Variants in KIAA1191 observed in about 807,000 individuals in gnomAD.
KIAA1191 encodes the protein KIAA1191, also known as putative monooxygenase p33MONOX.
A neutral mutation model predicts 31.1 loss-of-function variants in KIAA1191; 22 were observed. That is an observed-to-expected ratio of 0.71 (90% CI 0.51 to 1.01). The LOEUF (loss-of-function observed/expected upper bound fraction) is 1.01, where lower values mean the gene tolerates loss of function less well. KIAA1191 is among the 50% of genes least tolerant of loss of function. KIAA1191 has a pLI of 0.00. For missense variants in KIAA1191, 319 were observed against 388.0 expected, an observed-to-expected ratio of 0.82 and a Z score of 1.49; for synonymous variants, 130 against 143.9, an observed-to-expected ratio of 0.90 and a Z score of 0.69.
Position 176,347,901 on chromosome 5 carries a change from T to C in KIAA1191, c.709+20A>G. ...AAGATGTCTGCCATGCTGCTCTCTTTTTTGAAGGTGCTGCCTTACCAGAAT... is the reference window on the plus strand; with the variant it reads ...AAGATGTCTGCCATGCTGCTCTCTTCTTTGAAGGTGCTGCCTTACCAGAAT... On this transcript the variant is annotated intron_variant, in intron 8 of 8. Transcript: ENST00000298569. 3.7e-6 allele frequency: 6 copies of C among 1,614,028 alleles called. No individual in the cohort carries two copies. The highest frequency in any genetic ancestry group is 4.2e-6 in the Non-Finnish European group (5 of 1,179,988).
chr5:176,347,390 C>T lies in KIAA1191; in HGVS notation c.*210G>A, dbSNP rs575740231. On this transcript the variant is annotated 3_prime_UTR_variant, in exon 9 of 9. Transcript: ENST00000298569. Reference sequence around the variant, plus strand: ...CTAATTTTTGTATTTTTAGTAGAGACGGGGTTTCACCATGTTGGCCAGGCT... The same window carrying T: ...CTAATTTTTGTATTTTTAGTAGAGATGGGGTTTCACCATGTTGGCCAGGCT... 15 of 305,104 alleles carry T rather than the reference C, an allele frequency of 4.9e-5. No homozygotes were observed. The highest frequency in any genetic ancestry group is 7.2e-5 in the Non-Finnish European group (12 of 167,702). 18.9% of individuals were successfully genotyped at this position (305,104 alleles called of 1,614,324 possible).
At chr5:176,349,633 A>G (rs1465621103) in intron 6 of KIAA1191, among the ~76,000 whole-genome samples, 1 of 152,120 alleles carries the variant, frequency 6.6e-6, no homozygotes, top group African/African-American at 2.4e-5. Flanking sequence ...AGATCACAAC[A>G]CTGTACTCCA....
intron 5 of KIAA1191, 70 bp from the exon 6 acceptor site, chr5:176,350,807 A>AT (rs1208683913): frequency 1.3e-6 from 2 of 1,571,886 alleles, no homozygotes; most frequent in Non-Finnish European, 1.7e-6. Flanking sequence ...GACAACATGG[A>AT]TATCTACTAT....
At chr5:176,352,156 A>AAAAAAAAAAAAC (rs563130478) in intron 5 of KIAA1191, among the ~76,000 whole-genome samples, 1 of 148,230 alleles carries the variant, frequency 6.7e-6, no homozygotes, top group Non-Finnish European at 1.5e-5. Context: ...GAGCTGTTTA[A>AAAAAAAAAAAAC]AAAAAAAAAA....
Position 176,355,715 on chromosome 5 carries a change from G to T in KIAA1191, c.63C>A (p.Ser21=), listed in dbSNP as rs143263997. ...CCCGGCGGTATATCCCGATGGGCAG[G>T]GACATCTTGCCTAGAGGCGCACTAG... ...LEASAPLGKM[S]LPIGIYRRAV... The change falls in exon 4 of 9, where the codon TCC becomes TCA. Residue 21 remains serine (S), a synonymous_variant. Coordinates refer to ENST00000298569, the MANE Select transcript of KIAA1191 (RefSeq NM_020444.5). The surrounding 1 kb of genome is among the most constrained non-coding windows in gnomAD (Gnocchi z 4.2). 4.3e-6 allele frequency: 7 copies of T among 1,613,954 alleles called. No individual in the cohort carries two copies. The highest frequency in any genetic ancestry group is 5.9e-6 in the Non-Finnish European group (7 of 1,180,030).
intron 6 of KIAA1191, among the ~76,000 whole-genome samples, chr5:176,349,580 G>A (rs910613883): frequency 1.3e-5 from 2 of 152,114 alleles, no homozygotes; most frequent in African/African-American, 4.8e-5. Context: ...GGCTGAGTTG[G>A]GAGGATCACT....
chr5:176,355,813 A>G lies in KIAA1191; in HGVS notation c.29-64T>C. On this transcript the variant is annotated intron_variant, in intron 3 of 8. Transcript: ENST00000298569. The surrounding 1 kb of genome is among the most constrained non-coding windows in gnomAD (Gnocchi z 4.2). ...TGGACATACTAGCAGCTTTAAATTAATCTACAGGAAGGAAAGCTCTGAAAT... is the reference window on the plus strand; with the variant it reads ...TGGACATACTAGCAGCTTTAAATTAGTCTACAGGAAGGAAAGCTCTGAAAT... The G allele has an allele frequency of 6.7e-7, 1 of 1,487,902 alleles. No homozygotes were observed. Among genetic ancestry groups the G allele is most frequent in the South Asian group, 1.1e-5 (1 of 87,888 alleles). 92.2% of individuals were successfully genotyped at this position (1,487,902 alleles called of 1,614,324 possible).
chr5:176,360,592 G>C (rs951501498), intron 1 of KIAA1191, among the ~76,000 whole-genome samples: 7 of 151,932 alleles, frequency 4.6e-5, no homozygotes, highest in Non-Finnish European at 7.4e-5. Context: ...CTTGAGGTCA[G>C]GAGTTCGAGA....
intron 2 of KIAA1191, 57 bp from the exon 3 acceptor site, chr5:176,359,624 T>G: frequency 2.4e-6 from 2 of 834,676 alleles, no homozygotes; most frequent in Non-Finnish European, 4.2e-6. Context: ...GCTGTTCTTC[T>G]GGCAGGCACA....
intron 5 of KIAA1191, among the ~76,000 whole-genome samples, chr5:176,352,006 G>A (rs556021370): frequency 6.6e-6 from 1 of 152,038 alleles, no homozygotes; most frequent in East Asian, 1.9e-4. Context: ...CAGCCCTCCA[G>A]AATGAAGAAG....
In KIAA1191 at chr5:176,355,708, T is replaced by C. The variant is rs1767455584; in HGVS notation, c.70A>G (p.Ile24Val). Residue 24 changes from isoleucine (I) to valine (V), a missense_variant, in exon 4 of 9, where the codon ATC becomes GTC. Ile to Val is a conservative substitution (Grantham distance 29). Coordinates refer to ENST00000298569, the MANE Select transcript of KIAA1191 (RefSeq NM_020444.5). The surrounding 1 kb of genome is among the most constrained non-coding windows in gnomAD (Gnocchi z 4.2). ...CTGACTGCCCGGCGGTATATCCCGA[T>C]GGGCAGGGACATCTTGCCTAGAGGC... ...SAPLGKMSLP[I>V]GIYRRAVSYD... 4 of 1,613,900 alleles carry C rather than the reference T, an allele frequency of 2.5e-6. No individual in the cohort carries two copies. The highest frequency in any genetic ancestry group is 1.1e-5 in the South Asian group (1 of 91,070).
At position 176,352,650 on chromosome 5, in the gene KIAA1191, G is replaced by C. The variant is rs755281021; in HGVS notation, c.306C>G (p.Thr102=). 1.3e-5 allele frequency: 21 copies of C among 1,613,790 alleles called. No individual in the cohort carries two copies. The highest frequency in any genetic ancestry group is 1.7e-5 in the Admixed American group (1 of 59,992). Residue 102 remains threonine, a synonymous_variant, in exon 5 of 9, where the codon ACC becomes ACG. Coordinates refer to ENST00000298569, the MANE Select transcript of KIAA1191 (RefSeq NM_020444.5). ...DKVPVVKAKA[T]HVIMNSLITK... ...TGATCAGAGAATTCATGATGACATG[G>C]GTAGCTTTAGCCTTCACCACTGGGA...
At chr5:176,358,598 C>G (rs1224628197) in intron 3 of KIAA1191, among the ~76,000 whole-genome samples, 1 of 152,140 alleles carries the variant, frequency 6.6e-6, no homozygotes, top group African/African-American at 2.4e-5. Flanking sequence ...CAGCTGTAAT[C>G]CCAGCTACTC....
In KIAA1191 at chr5:176,355,651, T is replaced by C; in HGVS notation, c.127A>G (p.Met43Val). ...CCCATGTCCGATGGAGGAGGAGTCA[T>C]GGGCGCAGGGTCCTCGAGGGTATCA... ...YDDTLEDPAPMTPPPSDMGSV... is the reference protein window; with the variant it reads ...YDDTLEDPAPVTPPPSDMGSV... The change falls in exon 4 of 9, where the codon ATG becomes GTG. Residue 43 changes from methionine to valine, a missense_variant. By Grantham distance (21) the Met-to-Val change is conservative (BLOSUM62 1). Transcript: ENST00000298569. The surrounding 1 kb of genome is among the most constrained non-coding windows in gnomAD (Gnocchi z 4.2). 4 of 1,613,052 alleles carry C rather than the reference T, an allele frequency of 2.5e-6. No homozygotes were observed. Among genetic ancestry groups the C allele is most frequent in the Non-Finnish European group, 3.4e-6 (4 of 1,180,016 alleles).
At position 176,361,389 on chromosome 5, in the gene KIAA1191, C is replaced by G. The variant is rs891385729; in HGVS notation, c.-168+213G>C. On this transcript the variant is annotated intron_variant, in intron 1 of 8. Transcript: ENST00000298569. The surrounding 1 kb of genome is among the most constrained non-coding windows in gnomAD (Gnocchi z 4.0). ...CCGTACGGGAGCTGCAGGGCATTCC[C>G]GGAGAGAAGCCCCATTACGGAGACC... The G allele has an allele frequency of 6.6e-6, 1 of 152,446 alleles. No homozygotes were observed. The highest frequency in any genetic ancestry group is 2.4e-5 in the African/African-American group (1 of 41,468). The allele number at this position is 152,446 out of a possible 1,614,324, so 9.4% of individuals were successfully genotyped here. A position where few individuals can be genotyped will look rare whatever the true frequency, so the allele number is the denominator to read the frequency against.
Position 176,360,572 on chromosome 5 carries a change from G to A in KIAA1191, c.-167-654C>T, listed in dbSNP as rs182702410. Reference sequence around the variant, plus strand: ...TCCCAGCATTTTGCGAGACCCAGGCGGGCAGATCACTTGAGGTCAGGAGTT... The same window carrying A: ...TCCCAGCATTTTGCGAGACCCAGGCAGGCAGATCACTTGAGGTCAGGAGTT... On this transcript the variant is annotated intron_variant, in intron 1 of 8. Coordinates refer to ENST00000298569, the MANE Select transcript of KIAA1191 (RefSeq NM_020444.5). Among the ~76,000 whole-genome samples, 560 of 151,994 alleles carry A rather than the reference G, an allele frequency of 3.7e-3. 3 individuals are homozygous for A. Among genetic ancestry groups the A allele is most frequent in the African/African-American group, 0.013 (530 of 41,486 alleles).
In KIAA1191 at chr5:176,347,718, G is replaced by T; in HGVS notation, c.800C>A (p.Pro267Gln). 1.2e-6 allele frequency: 2 copies of T among 1,609,248 alleles called. No homozygotes were observed. The highest frequency in any genetic ancestry group is 1.7e-6 in the Non-Finnish European group (2 of 1,178,120). ...CATCTTGGGGGGCTTCAAGGCTGCT[G>T]GATCTTCAGCCATTCGGTTGGCCTG... ...RAQANRMAED[P>Q]AALKPPKMDI... The change falls in exon 9 of 9, where the codon CCA becomes CAA. Residue 267 changes from proline to glutamine, a missense_variant. Transcript: ENST00000298569.
rs896237603 is a variant in KIAA1191, at chr5:176,358,636, C to A, written c.28+845G>T. Among the ~76,000 whole-genome samples, 6 of 151,892 alleles carry A rather than the reference C, an allele frequency of 4.0e-5. No individual in the cohort carries two copies. The South Asian group carries it at 1.2e-3, about 31-fold the overall frequency. On this transcript the variant is annotated intron_variant, in intron 3 of 8. Coordinates refer to ENST00000298569, the MANE Select transcript of KIAA1191 (RefSeq NM_020444.5). ...GGCTGAGGCAGGAGAATCACTTGAGCCCAGGAGGCGGAGGTTGCAGTGAGC... is the reference window on the plus strand; with the variant it reads ...GGCTGAGGCAGGAGAATCACTTGAGACCAGGAGGCGGAGGTTGCAGTGAGC...
intron 3 of KIAA1191, among the ~76,000 whole-genome samples, chr5:176,358,229 C>T (rs946106787): frequency 6.6e-6 from 1 of 152,212 alleles, no homozygotes; most frequent in African/African-American, 2.4e-5. Context: ...TTCCATCCCA[C>T]CTCCCCATCA....
Sources: allele counts gnomAD v4.1 joint callset (sites outside exome capture counted in the v4.1 genomes callset), GRCh38; gene constraint gnomAD v4.1.1; non-coding constraint Gnocchi (gnomAD v3.1); transcripts MANE v1.5; gene names NCBI Gene and HGNC (gene_info 2026-07-23, HGNC 2026-07-21).